FER1L6: variants seen among roughly 807,000 people sequenced by gnomAD.
The protein encoded by FER1L6 is fer-1 like family member 6.
FER1L6 carries 177 observed loss-of-function variants against 219.2 expected under a neutral mutation model. The ratio of observed to expected loss-of-function variants is 0.81; its 90% confidence interval spans 0.71 to 0.91. FER1L6 has a LOEUF of 0.91. Among genes scored for constraint, FER1L6 ranks in the 40% least tolerant of loss-of-function variants. The pLI, the probability that FER1L6 is intolerant of heterozygous loss-of-function variation, is 0.00. For missense variants in FER1L6, 2,153 were observed against 2,259.9 expected (o/e 0.95, Z 0.96); for synonymous variants, 768 against 824.3 (o/e 0.93, Z 1.17).
At position 123,980,529 on chromosome 8, in the gene FER1L6, GA is replaced by G. The variant is rs752387541; in HGVS notation, c.1129del (p.Met377TrpfsTer7). ...LYGSPRNHSL[M>X]DDYQEMNEGF... ...ATGGCTCGCCCAGGAACCACAGTCT[GA>G]TGGATGACTACCAGGAAATGAACGA... On this transcript the variant is annotated frameshift_variant, in exon 11 of 41. Coordinates refer to ENST00000522917, the MANE Select transcript of FER1L6 (RefSeq NM_001039112.2). LOFTEE classifies it high-confidence loss of function. The G allele has an allele frequency of 6.2e-7, 1 of 1,614,140 alleles. No individual in the cohort carries two copies. Among genetic ancestry groups the G allele is most frequent in the South Asian group, 1.1e-5 (1 of 91,076 alleles).
At chr8:124,042,146 C>T (rs1039076827) in intron 20 of FER1L6, among the ~76,000 whole-genome samples, 2 of 152,208 alleles carry the variant, frequency 1.3e-5, no homozygotes, top group Non-Finnish European at 2.9e-5. Context: ...TGGACTAAAT[C>T]CTTGGTCTGC....
intron 16 of FER1L6, among the ~76,000 whole-genome samples, chr8:124,018,199 G>A (rs1283058838): frequency 1.3e-5 from 2 of 152,172 alleles, no homozygotes; most frequent in African/African-American, 4.8e-5. Flanking sequence ...CTTCTTCAGT[G>A]ACTGGTGACT....
At chr8:123,941,829 T>G (rs1173128094) in intron 1 of FER1L6, among the ~76,000 whole-genome samples, 2 of 152,144 alleles carry the variant, frequency 1.3e-5, no homozygotes. Context: ...GGAAGGAGGC[T>G]TGGCTACCTT....
intron 32 of FER1L6, among the ~76,000 whole-genome samples, chr8:124,078,183 A>AGATG (rs60540951): frequency 6.6e-4 from 100 of 152,102 alleles, no homozygotes; most frequent in Admixed American, 2.6e-3. Flanking sequence ...TGGAATGAAC[A>AGATG]GATGGATGGA....
chr8:124,010,759 G>A, intron 14 of FER1L6, 45 bp downstream of exon 14: 5 of 1,603,436 alleles, frequency 3.1e-6, no homozygotes, highest in Non-Finnish European at 4.3e-6. Flanking sequence ...TGGGAAGCTG[G>A]TGGGGGAAGG....
intron 1 of FER1L6, among the ~76,000 whole-genome samples, chr8:123,882,507 C>A (rs904189363): frequency 6.6e-6 from 1 of 152,206 alleles, no homozygotes; most frequent in Non-Finnish European, 1.5e-5. Flanking sequence ...ATTTACTGAG[C>A]ACTGACCATA....
At chr8:123,986,035 G>A (rs1337914989) in intron 11 of FER1L6, 33 bp from the exon 12 acceptor site, 7 of 1,285,534 alleles carry the variant, frequency 5.4e-6, no homozygotes, top group Non-Finnish European at 7.9e-6. Flanking sequence ...GAAAAAGCCA[G>A]TTCTGCCTAA....
chr8:124,014,204 A>T (rs1315113842), intron 15 of FER1L6: 1 of 152,640 alleles, frequency 6.6e-6, no homozygotes, highest in Admixed American at 6.5e-5. Context: ...GACGGGGGAG[A>T]TGGAGAATGT....
intron 33 of FER1L6, among the ~76,000 whole-genome samples, chr8:124,086,029 A>C (rs1821772638): frequency 6.6e-6 from 1 of 150,526 alleles, no homozygotes. Context: ...CAGTATACCT[A>C]CTCCTTTTTT....
At chr8:124,045,605 A>G (rs1011599047) in intron 20 of FER1L6, among the ~76,000 whole-genome samples, 162 bp from the exon 21 acceptor site, 10 of 152,238 alleles carry the variant, frequency 6.6e-5, no homozygotes, top group African/African-American at 2.4e-4. Flanking sequence ...TGTTTAGTAC[A>G]TAGTAGCTGC....
At chr8:124,075,228 C>T (rs545580601) in intron 31 of FER1L6, among the ~76,000 whole-genome samples, 2 of 152,320 alleles carry the variant, frequency 1.3e-5, no homozygotes, top group African/African-American at 4.8e-5. Context: ...AAAACACAAA[C>T]ACGTTGTTCA....
chr8:124,117,330 G>A (rs1823290463), intron 39 of FER1L6, among the ~76,000 whole-genome samples: 1 of 152,198 alleles, frequency 6.6e-6, no homozygotes, highest in Non-Finnish European at 1.5e-5. Context: ...GTAAAGCATT[G>A]CAATTACAGT....
chr8:124,012,896 G>A (rs1176237091), intron 14 of FER1L6, among the ~76,000 whole-genome samples: 1 of 152,156 alleles, frequency 6.6e-6, no homozygotes, highest in Non-Finnish European at 1.5e-5. Flanking sequence ...AGGCCCAAAG[G>A]AAAAGTGTGA....
At chr8:124,077,133 C>G (rs1470227857) in intron 32 of FER1L6, among the ~76,000 whole-genome samples, 1 of 152,208 alleles carries the variant, frequency 6.6e-6, no homozygotes, top group East Asian at 1.9e-4. Context: ...CAACCTTATG[C>G]AGATGGCTTA....
Position 124,010,638 on chromosome 8 carries a change from A to G in FER1L6, c.1745A>G (p.Tyr582Cys), listed in dbSNP as rs1817879259. 1 of 1,613,950 alleles carries G rather than the reference A, an allele frequency of 6.2e-7. No individual in the cohort carries two copies. Among genetic ancestry groups the G allele is most frequent in the African/African-American group, 1.3e-5 (1 of 74,910 alleles). The change falls in exon 14 of 41, where the codon TAT becomes TGT. Residue 582 changes from tyrosine (Y) to cysteine (C), a missense_variant. By Grantham distance (194) the Tyr-to-Cys change is radical (BLOSUM62 -2). Transcript: ENST00000522917. ...LPFEAKKPCV[Y>C]FISSWGDQTF... ...TTTGAGGCTAAGAAGCCCTGTGTCT[A>G]TTTCATCAGCTCTTGGGGAGACCAG... is the stretch of plus-strand genomic sequence containing the variant.
At chr8:123,997,215 G>A (rs1364253671) in intron 12 of FER1L6, among the ~76,000 whole-genome samples, 1 of 152,064 alleles carries the variant, frequency 6.6e-6, no homozygotes, top group Non-Finnish European at 1.5e-5. Context: ...AAATCTCTCA[G>A]CATTTATTTG....
In FER1L6 at chr8:124,118,932, T is replaced by G. The variant is rs1416718973; in HGVS notation, c.5378T>G (p.Leu1793Arg). 2 of 1,613,206 alleles carry G rather than the reference T, an allele frequency of 1.2e-6. No homozygotes were observed. The highest frequency in any genetic ancestry group is 4.5e-5 in the East Asian group (2 of 44,864). ...AAAGCCCGAAAGGAGCCAGAGCCCC[T>G]GGCCAAGCCCAAGTGAGTGGAGTTG... Reference protein sequence around the residue: ...VGKARKEPEPLAKPNRPDTSF... With the variant: ...VGKARKEPEPRAKPNRPDTSF... The change falls in exon 40 of 41, where the codon CTG becomes CGG. Residue 1793 changes from leucine (L) to arginine (R), a missense_variant. Physicochemically the swap from Leu to Arg is moderately radical, Grantham distance 102. Transcript: ENST00000522917.
chr8:124,101,087 C>T lies in FER1L6; in HGVS notation c.4884-10C>T, dbSNP rs1412031719. On this transcript the variant is annotated splice_polypyrimidine_tract_variant and intron_variant, in intron 37 of 40. Transcript: ENST00000522917. ...TCTGAGTGTTTAAATTATTTTGAAT[C>T]TATTTTTAGGTGGTTAAAGGGCTTG... is the stretch of plus-strand genomic sequence containing the variant. 1 of 1,612,042 alleles carries T rather than the reference C, an allele frequency of 6.2e-7. No homozygotes were observed. Among genetic ancestry groups the T allele is most frequent in the East Asian group, 2.2e-5 (1 of 44,834 alleles).
chr8:124,036,648 T>C (rs1056459485), intron 19 of FER1L6, among the ~76,000 whole-genome samples: 3 of 152,158 alleles, frequency 2.0e-5, no homozygotes, highest in East Asian at 1.9e-4. Context: ...ATTAACTTGA[T>C]AGGAAAAAAT....
Sources: allele counts gnomAD v4.1 joint callset (sites outside exome capture counted in the v4.1 genomes callset), GRCh38; gene constraint gnomAD v4.1.1; transcripts MANE v1.5; gene names NCBI Gene and HGNC (gene_info 2026-07-23, HGNC 2026-07-21).